Variants in MRTFB observed in about 807,000 individuals in gnomAD.
MRTFB encodes myocardin-related transcription factor B.
Under a neutral mutation model 104.2 loss-of-function variants are expected in MRTFB, and 29 were observed. The observed-to-expected ratio is 0.28, with a 90% CI of 0.21 to 0.38. The LOEUF (loss-of-function observed/expected upper bound fraction) is 0.38, where lower values mean the gene tolerates loss of function less well. Ranked by LOEUF, MRTFB falls within the 10% of genes least tolerant of loss-of-function variation. The probability of loss-of-function intolerance (pLI) is 1.00; values close to 1 mark genes in which losing one functional copy is unlikely to be tolerated. For synonymous variants in MRTFB, 535 were observed against 519.5 expected (o/e 1.03, Z -0.41); for missense variants, 1,270 against 1,341.6 (o/e 0.95, Z 0.83).
chr16:14,057,079 G>A, the MRTFB span, among the ~76,000 whole-genome samples: 1 of 152,298 alleles, frequency 6.6e-6, no homozygotes, highest in South Asian at 2.1e-4. Context: ...AAAGAGAGCT[G>A]AGCTGACATC....
chr16:14,014,162 G>T, the MRTFB span, among the ~76,000 whole-genome samples: 1 of 152,142 alleles, frequency 6.6e-6, no homozygotes. Context: ...ATAAATCACG[G>T]TGTTTCCCAA....
chr16:14,065,978 T>A, the MRTFB span, among the ~76,000 whole-genome samples: 2 of 152,188 alleles, frequency 1.3e-5, no homozygotes, highest in Non-Finnish European at 2.9e-5. Context: ...ACTTACTACA[T>A]TGTATTTCAA....
the MRTFB span, among the ~76,000 whole-genome samples, chr16:14,007,522 G>A: frequency 2.0e-5 from 3 of 152,040 alleles, no homozygotes; most frequent in African/African-American, 4.8e-5. Context: ...TGAATAATAC[G>A]GCTATGAACA....
rs149006494 is a variant in MRTFB at position 14,073,738 on chromosome 16, A to G, written c.-129+2373A>G. 5.3e-5 allele frequency among the ~76,000 whole-genome samples: 8 copies of G among 152,370 alleles called. No individual in the cohort carries two copies. In the East Asian group the frequency reaches 1.5e-3, roughly 29 times the overall value. ...TAAGTCTTAGTTAAGTATAATCTAA[A>G]CTAGTGTAATCACCCTTTAAATAGC... On this transcript the variant is annotated intron_variant, in intron 1 of 16. Transcript: ENST00000571589.
chr16:14,080,262 C>T (rs986388174), intron 2 of MRTFB, among the ~76,000 whole-genome samples: 3 of 152,220 alleles, frequency 2.0e-5, no homozygotes, highest in East Asian at 1.9e-4. Context: ...TATAACCCCC[C>T]TCAGAATCCA....
intron 2 of MRTFB, among the ~76,000 whole-genome samples, chr16:14,127,642 CA>C (rs770740356): frequency 0.016 from 1,240 of 76,218 alleles, 9 homozygotes; most frequent in Middle Eastern, 0.029. Flanking sequence ...GACTCTGTCT[CA>C]AAAAAAAAAA....
At position 14,212,424 on chromosome 16, in the gene MRTFB, T is replaced by C. The variant is rs1206523377; in HGVS notation, c.276+15T>C. The C allele has an allele frequency of 1.2e-6, 2 of 1,611,704 alleles. No individual in the cohort carries two copies. Among genetic ancestry groups the C allele is most frequent in the African/African-American group, 2.7e-5 (2 of 74,994 alleles). On this transcript the variant is annotated intron_variant, in intron 5 of 16. Coordinates refer to ENST00000571589, the MANE Select transcript of MRTFB (RefSeq NM_001308142.2). Reference sequence around the variant, plus strand: ...AACGAGCCAGAGTAAGACATTTCACTTTAAAATGTTCTACTTCTCTCTCCT... The same window carrying C: ...AACGAGCCAGAGTAAGACATTTCACCTTAAAATGTTCTACTTCTCTCTCCT...
chr16:14,026,651 C>T, the MRTFB span, among the ~76,000 whole-genome samples: 1 of 152,124 alleles, frequency 6.6e-6, no homozygotes, highest in African/African-American at 2.4e-5. Flanking sequence ...AACACATATC[C>T]AGCAAAAGAC....
intron 15 of MRTFB, among the ~76,000 whole-genome samples, chr16:14,256,292 T>C (rs1281833501): frequency 4.0e-5 from 6 of 150,870 alleles, no homozygotes; most frequent in Non-Finnish European, 7.4e-5. Flanking sequence ...ATAACACATA[T>C]GACTAAACAA....
At chr16:14,232,953 G>A (rs566806578) in intron 8 of MRTFB, among the ~76,000 whole-genome samples, 52 of 152,304 alleles carry the variant, frequency 3.4e-4, no homozygotes, top group Non-Finnish European at 6.6e-4. Flanking sequence ...AGTGTTAAAG[G>A]AGGACATTTT....
chr16:14,194,665 AT>A (rs759179131), intron 3 of MRTFB, among the ~76,000 whole-genome samples: 3 of 151,454 alleles, frequency 2.0e-5, no homozygotes, highest in Non-Finnish European at 4.4e-5. Flanking sequence ...CCAAAACTTC[AT>A]AGCATATTAG....
At chr16:14,091,126 G>A (rs961938121) in intron 2 of MRTFB, among the ~76,000 whole-genome samples, 1 of 152,186 alleles carries the variant, frequency 6.6e-6, no homozygotes, top group South Asian at 2.1e-4. Context: ...GATGCAAGGG[G>A]CAGGTCTAGA....
intron 3 of MRTFB, among the ~76,000 whole-genome samples, chr16:14,205,451 CAG>C (rs1178623098): frequency 6.6e-6 from 1 of 152,174 alleles, no homozygotes; most frequent in Admixed American, 6.5e-5. Flanking sequence ...ATGTTTTGCA[CAG>C]AGAATACAAT....
the MRTFB span, among the ~76,000 whole-genome samples, chr16:14,023,675 GTCTATA>G: frequency 6.9e-6 from 1 of 145,070 alleles, no homozygotes; most frequent in Non-Finnish European, 1.5e-5. Flanking sequence ...GTGTGTGTGT[GTCTATA>G]TATATATATA....
intron 12 of MRTFB, 72 bp from the exon 13 acceptor site, chr16:14,248,854 C>T (rs2043133441): frequency 2.1e-5 from 32 of 1,529,810 alleles, no homozygotes; most frequent in Non-Finnish European, 2.8e-5. Context: ...ACCAGTGATT[C>T]TACACCTAAG....
chr16:14,198,746 T>A (rs962003539), intron 3 of MRTFB, among the ~76,000 whole-genome samples: 2 of 152,248 alleles, frequency 1.3e-5, no homozygotes. Context: ...ACTCCCTAGA[T>A]GTCCCAGACC....
chr16:14,002,179 T>G, the MRTFB span, among the ~76,000 whole-genome samples: 1 of 152,032 alleles, frequency 6.6e-6, no homozygotes, highest in Non-Finnish European at 1.5e-5. Context: ...GGTCAGGAGT[T>G]CAAGACCAGC....
Position 14,261,202 on chromosome 16 carries a change from C to T in MRTFB, c.3058C>T (p.Leu1020=). 3 of 1,614,216 alleles carry T rather than the reference C, an allele frequency of 1.9e-6. No individual in the cohort carries two copies. Among genetic ancestry groups the T allele is most frequent in the Non-Finnish European group, 2.5e-6 (3 of 1,180,030 alleles). Reference sequence around the variant, plus strand: ...GATCGAGGACCTCCAGAATGATCTGCTGAGTCACTCAGGTATGCTGGACCA... The same window carrying T: ...GATCGAGGACCTCCAGAATGATCTGTTGAGTCACTCAGGTATGCTGGACCA... ...SLIEDLQNDL[L]SHSGMLDHSH... is the part of the protein sequence containing the mutation. Residue 1020 remains leucine, a synonymous_variant, in exon 17 of 17, where the codon CTG becomes TTG. Transcript: ENST00000571589.
Position 14,193,210 on chromosome 16 carries a change from C to CAA in MRTFB, c.155-17005_155-17004dup, listed in dbSNP as rs10616011. Among the ~76,000 whole-genome samples, 32 of 56,440 alleles carry CAA rather than the reference C, an allele frequency of 5.7e-4. 2 individuals are homozygous for CAA. Among genetic ancestry groups the CAA allele is most frequent in the Non-Finnish European group, 8.3e-4 (27 of 32,478 alleles). The allele number at this position is 56,440 out of a possible 152,430, so 37.0% of individuals were successfully genotyped here. ...CCTGGGCAACAGTGAGACCCTGTCT[C>CAA]AAAAAAAAAAAAAAAAAAAAAAAAA... is the stretch of plus-strand genomic sequence containing the variant. On this transcript the variant is annotated intron_variant, in intron 3 of 16. Coordinates refer to ENST00000571589, the MANE Select transcript of MRTFB (RefSeq NM_001308142.2).
Sources: gnomAD v4.1 joint callset for allele counts (sites outside exome capture counted in the v4.1 genomes callset) on GRCh38, gnomAD v4.1.1 for gene constraint, MANE v1.5 for transcripts, NCBI Gene and HGNC (gene_info 2026-07-23, HGNC 2026-07-21) for gene names.